The following CPED1 variants were observed in gnomAD, a reference collection of about 807,000 sequenced individuals.
CPED1 encodes the protein cadherin-like and PC-esterase domain-containing protein 1.
A neutral mutation model predicts 128.2 loss-of-function variants in CPED1; 114 were observed. The observed-to-expected ratio is 0.89, with a 90% confidence interval of 0.76 to 1.04. The LOEUF (loss-of-function observed/expected upper bound fraction) is 1.04. Ranked by LOEUF, CPED1 falls within the 50% of genes least tolerant of loss-of-function variation. The pLI, the probability that CPED1 is intolerant of heterozygous loss-of-function variation, is 0.00. For synonymous variants in CPED1, 462 were observed against 426.7 expected (o/e 1.08, Z -1.02); for missense variants, 1,211 against 1,207.1 (o/e 1.00, Z -0.05).
intron 5 of CPED1, chr7:121,076,762 T>C (rs766595022): frequency 6.6e-6 from 1 of 152,164 alleles, no homozygotes; most frequent in East Asian, 1.9e-4. Context: ...AGGGAATAAA[T>C]CTGCTATTTC....
intron 17 of CPED1, among the ~76,000 whole-genome samples, chr7:121,240,812 T>C (rs1358100661): frequency 7.5e-6 from 1 of 133,226 alleles, no homozygotes; most frequent in Non-Finnish European, 1.6e-5. Flanking sequence ...AAGGACACAC[T>C]CTAAGGCCTC....
At chr7:121,066,524 A>G (rs1793833358) in intron 5 of CPED1, among the ~76,000 whole-genome samples, 1 of 152,160 alleles carries the variant, frequency 6.6e-6, no homozygotes, top group Non-Finnish European at 1.5e-5. Context: ...TCCAGAGGCA[A>G]AAGGCCTCAG....
chr7:121,087,034 G>T (rs1423841782), intron 5 of CPED1, among the ~76,000 whole-genome samples: 2 of 152,232 alleles, frequency 1.3e-5, no homozygotes, highest in Admixed American at 1.3e-4. Context: ...ACCCCTTAGA[G>T]AGAAAGCTGA....
chr7:121,128,399 G>C lies in CPED1; in HGVS notation c.1320G>C (p.Lys440Asn). The change falls in exon 11 of 23, where the codon AAG becomes AAC. Residue 440 changes from lysine to asparagine, a missense_variant. By Grantham distance (94) the Lys-to-Asn change is moderately conservative. Transcript: ENST00000310396. Reference sequence around the variant, plus strand: ...CAATACAGGGTGAAAACTATCAAAAGGAACTAAATCAGTGTCTGTCCTTAG... The same window carrying C: ...CAATACAGGGTGAAAACTATCAAAACGAACTAAATCAGTGTCTGTCCTTAG... ...SDVFKGENYQ[K>N]ELNQCLSLEE... is the part of the protein sequence containing the mutation. The C allele has an allele frequency of 3.1e-6, 5 of 1,588,376 alleles. No individual in the cohort carries two copies. Among genetic ancestry groups the C allele is most frequent in the Non-Finnish European group, 4.3e-6 (5 of 1,157,136 alleles).
intron 3 of CPED1, among the ~76,000 whole-genome samples, chr7:121,020,896 G>A (rs1792422615): frequency 6.6e-6 from 1 of 151,878 alleles, no homozygotes; most frequent in Non-Finnish European, 1.5e-5. Flanking sequence ...GTTATGCAAT[G>A]GGTCAAAAGC....
rs147111747 is a variant in CPED1 at position 121,087,700 on chromosome 7, G to T, written c.617-9999G>T. On this transcript the variant is annotated intron_variant, in intron 5 of 22. Transcript: ENST00000310396. Reference sequence around the variant, plus strand: ...TTTTTTGGCAGAGTCTTTCTCAGTTGCCCAGGCTGGAATGCAGTGGCATGA... The same window carrying T: ...TTTTTTGGCAGAGTCTTTCTCAGTTTCCCAGGCTGGAATGCAGTGGCATGA... Among the ~76,000 whole-genome samples the T allele has an allele frequency of 4.8e-3, 549 of 113,632 alleles. 4 individuals carry two copies. The highest frequency in any genetic ancestry group is 0.02 in the African/African-American group (519 of 26,276). The allele number at this position is 113,632 out of a possible 152,430, so 74.5% of individuals were successfully genotyped here.
chr7:121,099,908 GTTTTTT>G lies in CPED1; in HGVS notation c.750-8_750-3del. On this transcript the variant is annotated splice_polypyrimidine_tract_variant and intron_variant, in intron 6 of 22. Transcript: ENST00000310396. Reference sequence around the variant, plus strand: ...CCCTACATTATGGAGCGCTAACTATGTTTTTTTTTTTTTTTAGGAATGAAACGACAG... The same window carrying G: ...CCCTACATTATGGAGCGCTAACTATGTTTTTTTTTAGGAATGAAACGACAG... 6.7e-7 allele frequency: 1 copy of G among 1,495,020 alleles called. No individual in the cohort carries two copies. Among genetic ancestry groups the G allele is most frequent in the Non-Finnish European group, 9.1e-7 (1 of 1,097,524 alleles). The allele number at this position is 1,495,020 out of a possible 1,614,324, so 92.6% of individuals were successfully genotyped here. A position where few individuals can be genotyped will look rare whatever the true frequency, so the allele number is the denominator to read the frequency against.
chr7:120,989,442 G>T lies in CPED1; in HGVS notation c.-180G>T. 1.5e-6 allele frequency: 1 copy of T among 685,074 alleles called. No individual in the cohort carries two copies. The allele number at this position is 685,074 out of a possible 1,614,324, so 42.4% of individuals were successfully genotyped here. On this transcript the variant is annotated 5_prime_UTR_variant, in exon 2 of 23. Transcript: ENST00000310396. ...GGAAGAGCTCTTATTAAAAGCCTCA[G>T]ACTTTCGGGACCTATGATTCTTTGG... is the stretch of plus-strand genomic sequence containing the variant.
At chr7:121,205,425 G>A (rs1027768303) in intron 16 of CPED1, among the ~76,000 whole-genome samples, 4 of 151,846 alleles carry the variant, frequency 2.6e-5, no homozygotes, top group African/African-American at 9.7e-5. Flanking sequence ...AGATTTCACA[G>A]TCACTCCTCA....
In CPED1 at chr7:121,044,648, C is replaced by CTTTTTTTTTTTTTTT. The variant is rs35159862; in HGVS notation, c.434-2238_434-2237insTTTTTTTTTTTTTTT. On this transcript the variant is annotated intron_variant, in intron 3 of 22. Transcript: ENST00000310396. ...GATTGCTGAGAGCAGTGACTTTCTG[C>CTTTTTTTTTTTTTTT]TCTTTTTTTTTTTTTTTTTTTGCTA... Among the ~76,000 whole-genome samples the CTTTTTTTTTTTTTTT allele has an allele frequency of 5.5e-4, 38 of 69,522 alleles. 8 individuals are homozygous for CTTTTTTTTTTTTTTT. Among genetic ancestry groups the CTTTTTTTTTTTTTTT allele is most frequent in the South Asian group, 1.2e-3 (2 of 1,616 alleles). 45.6% of individuals were successfully genotyped at this position (69,522 alleles called of 152,430 possible). A position where few individuals can be genotyped will look rare whatever the true frequency, so the allele number is the denominator to read the frequency against.
At chr7:121,012,269 C>T (rs78580434) in intron 2 of CPED1, among the ~76,000 whole-genome samples, 2,686 of 152,220 alleles carry the variant, frequency 0.018, 79 homozygotes, top group African/African-American at 0.061. Flanking sequence ...TAAAAAGTGT[C>T]CAGTTATAAA....
chr7:121,199,459 C>T (rs973637113), intron 16 of CPED1, among the ~76,000 whole-genome samples: 1 of 151,658 alleles, frequency 6.6e-6, no homozygotes, highest in African/African-American at 2.4e-5. Context: ...GTGGGCAGAT[C>T]ACGAGGTCAA....
rs1191971498 is a variant in CPED1, at chr7:121,271,317, A to T, written c.2755A>T (p.Ile919Phe). 6.2e-7 allele frequency: 1 copy of T among 1,611,476 alleles called. No homozygotes were observed. The highest frequency in any genetic ancestry group is 8.5e-7 in the Non-Finnish European group (1 of 1,178,532). ...EVQNLWKENL[I>F]ILDTAKKHGY... ...ACAGAACTTATGGAAAGAAAATTTG[A>T]TTATTCTGGATACTGCAAAAAAACA... Residue 919 changes from isoleucine (I) to phenylalanine (F), a missense_variant, in exon 22 of 23, where the codon ATT (isoleucine) becomes TTT (phenylalanine). Ile to Phe is a conservative substitution (Grantham distance 21, BLOSUM62 0). Transcript: ENST00000310396.
intron 15 of CPED1, 72 bp from the exon 16 acceptor site, chr7:121,141,901 T>C: frequency 8.5e-7 from 1 of 1,174,686 alleles, no homozygotes; most frequent in Non-Finnish European, 1.2e-6. Flanking sequence ...TAAATATTGA[T>C]ATATGAATCA....
intron 2 of CPED1, among the ~76,000 whole-genome samples, chr7:120,998,148 A>G (rs1796441971): frequency 1.3e-5 from 2 of 152,194 alleles, no homozygotes; most frequent in Admixed American, 6.6e-5. Flanking sequence ...CACAAGTTTC[A>G]GAGGAACTGC....
chr7:121,234,865 T>C (rs1330749434), intron 16 of CPED1, among the ~76,000 whole-genome samples: 1 of 152,140 alleles, frequency 6.6e-6, no homozygotes, highest in Non-Finnish European at 1.5e-5. Context: ...TTTGGATATT[T>C]TCTTACCCAT....
At position 121,236,728 on chromosome 7, in the gene CPED1, G is replaced by A; in HGVS notation, c.2070G>A (p.Leu690=). ...ACGFVQDCGL[L]IHPEETCGLQ... is the part of the protein sequence containing the mutation. ...TTTTAATGCAGGATTGTGGTTTGCT[G>A]ATTCATCCAGAGGAAACCTGTGGGT... Residue 690 remains leucine (L), a synonymous_variant, in exon 17 of 23, where the codon CTG becomes CTA. Transcript: ENST00000310396. The A allele has an allele frequency of 1.9e-6, 3 of 1,593,628 alleles. No individual in the cohort carries two copies. The highest frequency in any genetic ancestry group is 2.6e-6 in the Non-Finnish European group (3 of 1,171,230).
intron 16 of CPED1, among the ~76,000 whole-genome samples, chr7:121,172,678 A>ATAGATAGATAGG (rs1796679561): frequency 6.6e-6 from 1 of 151,114 alleles, no homozygotes; most frequent in Non-Finnish European, 1.5e-5. Context: ...AGATAGATAG[A>ATAGATAGATAGG]TAGATAGATA....
At chr7:121,107,870 G>A (rs964344744) in intron 7 of CPED1, among the ~76,000 whole-genome samples, 6 of 152,032 alleles carry the variant, frequency 3.9e-5, no homozygotes, top group African/African-American at 1.4e-4. Context: ...CCTCAAATGT[G>A]CCAACTAGGT....
Sources: allele counts gnomAD v4.1 joint callset (sites outside exome capture counted in the v4.1 genomes callset), GRCh38; gene constraint gnomAD v4.1.1; transcripts MANE v1.5; gene names NCBI Gene and HGNC (gene_info 2026-07-23, HGNC 2026-07-21).